The following ANKRD44 variants were observed in gnomAD, a reference collection of about 807,000 sequenced individuals.
The protein encoded by ANKRD44 is ankyrin repeat domain 44, also known as serine/threonine-protein phosphatase 6 regulatory ankyrin repeat subunit B.
A neutral mutation model predicts 116.0 loss-of-function variants in ANKRD44; 35 were observed. The ratio of observed to expected loss-of-function variants is 0.30; its 90% confidence interval spans 0.23 to 0.40. The LOEUF (loss-of-function observed/expected upper bound fraction) is 0.40. Ranked by LOEUF, ANKRD44 falls within the 10% of genes least tolerant of loss-of-function variation. ANKRD44 has a pLI of 1.00. For missense variants in ANKRD44, 1,014 were observed against 1,242.6 expected, an observed-to-expected ratio of 0.82 and a Z score of 2.77; for synonymous variants, 435 against 461.8, an observed-to-expected ratio of 0.94 and a Z score of 0.74.
chr2:197,310,509 C>G lies in ANKRD44; in HGVS notation c.27+69G>C, dbSNP rs1044776493. Reference sequence around the variant, plus strand: ...CGCGGGCGCGCTCCAGCCGCGCCCCCATCCCCCCGCCGGGCTCCGCGCCGC... The same window carrying G: ...CGCGGGCGCGCTCCAGCCGCGCCCCGATCCCCCCGCCGGGCTCCGCGCCGC... On this transcript the variant is annotated intron_variant, in intron 1 of 27. Coordinates refer to ENST00000282272, the MANE Select transcript of ANKRD44 (RefSeq NM_001195144.2). The G allele has an allele frequency of 4.1e-6, 4 of 984,504 alleles. No individual in the cohort carries two copies. In the Admixed American group the frequency reaches 2.5e-4, roughly 61 times the overall value. The allele number at this position is 984,504 out of a possible 1,614,324, so 61.0% of individuals were successfully genotyped here.
intron 1 of ANKRD44, among the ~76,000 whole-genome samples, chr2:197,290,346 G>A (rs969837011): frequency 6.6e-6 from 1 of 152,138 alleles, no homozygotes; most frequent in Admixed American, 6.5e-5. Context: ...TTTCCCTGAT[G>A]GTTAGTGATG....
intron 1 of ANKRD44, among the ~76,000 whole-genome samples, chr2:197,243,260 G>A (rs1489091005): frequency 6.6e-6 from 1 of 152,058 alleles, no homozygotes; most frequent in Non-Finnish European, 1.5e-5. Flanking sequence ...ACTGCTGAAT[G>A]TCTTAAGAAG....
At chr2:197,170,190 C>CAAAAA (rs71012960) in intron 2 of ANKRD44, among the ~76,000 whole-genome samples, 1,897 of 119,164 alleles carry the variant, frequency 0.016, 15 homozygotes, top group African/African-American at 0.027. Context: ...ACCCTGTTTC[C>CAAAAA]AAAAAAAAAA....
At chr2:197,047,600 A>C (rs1468291296) in intron 16 of ANKRD44, among the ~76,000 whole-genome samples, 1 of 152,110 alleles carries the variant, frequency 6.6e-6, no homozygotes, top group Non-Finnish European at 1.5e-5. Flanking sequence ...ATTTTCCAAA[A>C]CAGAGAGGGG....
downstream of ANKRD44, among the ~76,000 whole-genome samples, chr2:196,981,988 C>T (rs554253901): frequency 3.6e-4 from 54 of 151,040 alleles, no homozygotes; most frequent in African/African-American, 8.7e-4. Flanking sequence ...GTCTTGTCTT[C>T]GCTGCTAGAT....
rs2082663888 is a variant in ANKRD44, at chr2:197,263,488, G to A, written c.27+47090C>T. ...AGGCTTTACCCTCTAGGAAACCATGGGGCTCTTTTGCCTGATGGTGGCCTT... is the reference window on the plus strand; with the variant it reads ...AGGCTTTACCCTCTAGGAAACCATGAGGCTCTTTTGCCTGATGGTGGCCTT... On this transcript the variant is annotated intron_variant, in intron 1 of 27. Coordinates refer to ENST00000282272, the MANE Select transcript of ANKRD44 (RefSeq NM_001195144.2). 1.3e-5 allele frequency: 5 copies of A among 390,652 alleles called. No homozygotes were observed. The South Asian group carries it at 1.7e-4, about 13-fold the overall frequency. The allele number at this position is 390,652 out of a possible 1,614,324, so 24.2% of individuals were successfully genotyped here. A position where few individuals can be genotyped will look rare whatever the true frequency, so the allele number is the denominator to read the frequency against.
intron 2 of ANKRD44, among the ~76,000 whole-genome samples, chr2:197,176,966 G>T (rs143354374): frequency 0.011 from 1,716 of 152,132 alleles, 17 homozygotes; most frequent in Non-Finnish European, 0.016. Context: ...CAGTTGGAAG[G>T]CCCTCTGGCT....
chr2:197,031,011 T>C (rs2076696299), intron 16 of ANKRD44, among the ~76,000 whole-genome samples: 1 of 152,096 alleles, frequency 6.6e-6, no homozygotes, highest in African/African-American at 2.4e-5. Context: ...GATGTTTTCC[T>C]AATGGGGATG....
intron 25 of ANKRD44, among the ~76,000 whole-genome samples, chr2:196,996,555 A>ACTG (rs1457089882): frequency 6.6e-6 from 1 of 152,184 alleles, no homozygotes; most frequent in East Asian, 1.9e-4. Context: ...ATTCTGAGGC[A>ACTG]CTGCTGTTGG....
intron 16 of ANKRD44, among the ~76,000 whole-genome samples, chr2:197,068,394 A>ATAAAAAAAT (rs71012946): frequency 7.1e-6 from 1 of 140,202 alleles, no homozygotes; most frequent in Non-Finnish European, 1.6e-5. Flanking sequence ...AAATAAAAAA[A>ATAAAAAAAT]AAATAAAAAT....
chr2:196,995,132 G>T, intron 26 of ANKRD44: 1 of 273,618 alleles, frequency 3.7e-6, no homozygotes, highest in Non-Finnish European at 6.8e-6. Context: ...AGAAATATCA[G>T]CAAAGAAAAA....
intron 1 of ANKRD44, among the ~76,000 whole-genome samples, chr2:197,221,524 T>A (rs938911181): frequency 1.3e-5 from 2 of 152,226 alleles, no homozygotes; most frequent in East Asian, 1.9e-4. Context: ...TTTTAGTTAC[T>A]CTTTGACTAG....
At chr2:197,277,275 A>G (rs2083119997) in intron 1 of ANKRD44, among the ~76,000 whole-genome samples, 1 of 152,086 alleles carries the variant, frequency 6.6e-6, no homozygotes. Flanking sequence ...GGAGTGCACC[A>G]AGCCCTTCCC....
At chr2:197,115,471 A>G (rs2078686336) in intron 8 of ANKRD44, among the ~76,000 whole-genome samples, 1 of 152,242 alleles carries the variant, frequency 6.6e-6, no homozygotes, top group African/African-American at 2.4e-5. Flanking sequence ...CATGAAGTCA[A>G]AAAACAGGAC....
chr2:197,138,374 CTTT>C (rs1294590348), intron 3 of ANKRD44, among the ~76,000 whole-genome samples: 2 of 152,106 alleles, frequency 1.3e-5, no homozygotes, highest in Non-Finnish European at 2.9e-5. Flanking sequence ...AAATACATAT[CTTT>C]TTAAGAGCAA....
At chr2:197,114,905 G>T (rs1030664997) in intron 8 of ANKRD44, among the ~76,000 whole-genome samples, 1 of 152,186 alleles carries the variant, frequency 6.6e-6, no homozygotes, top group Non-Finnish European at 1.5e-5. Flanking sequence ...CTAAGGGCAA[G>T]AGAGATGGAA....
chr2:197,013,701 C>T lies in ANKRD44; in HGVS notation c.1734G>A (p.Gly578=). The T allele has an allele frequency of 6.2e-7, 1 of 1,612,818 alleles. No individual in the cohort carries two copies. The highest frequency in any genetic ancestry group is 8.5e-7 in the Non-Finnish European group (1 of 1,180,016). ...GAAGGACTTCCAAGGCTTGATGGTG[C>T]CCATTGTAGGCCTGCAAAGAAGAAA... ...KSPLHLAAYN[G]HHQALEVLLQ... Residue 578 remains glycine (G), a synonymous_variant, in exon 18 of 28, where the codon GGG becomes GGA. Transcript: ENST00000282272.
At chr2:196,996,138 C>A (rs931898581) in intron 25 of ANKRD44, among the ~76,000 whole-genome samples, 2 of 152,200 alleles carry the variant, frequency 1.3e-5, no homozygotes, top group Non-Finnish European at 2.9e-5. Context: ...ATGTGGCGTG[C>A]AGACCAGTCA....
At chr2:197,045,156 A>G (rs1447140900) in intron 16 of ANKRD44, among the ~76,000 whole-genome samples, 1 of 151,172 alleles carries the variant, frequency 6.6e-6, no homozygotes, top group East Asian at 1.9e-4. Context: ...AGCTTGTCCT[A>G]TGATACTTTC....
Sources: gnomAD v4.1 joint callset for allele counts (sites outside exome capture counted in the v4.1 genomes callset) on GRCh38, gnomAD v4.1.1 for gene constraint, MANE v1.5 for transcripts, NCBI Gene and HGNC (gene_info 2026-07-23, HGNC 2026-07-21) for gene names.